HHAT: variants seen among roughly 807,000 people sequenced by gnomAD.
HHAT encodes the protein hedgehog acyltransferase.
Under a neutral mutation model 70.8 loss-of-function variants are expected in HHAT, and 47 were observed. The observed-to-expected ratio is 0.66, with a 90% CI of 0.53 to 0.85. The LOEUF is 0.85. Among genes scored for constraint, HHAT ranks in the 40% least tolerant of loss-of-function variants. The pLI is 0.00. For synonymous variants in HHAT, 228 were observed against 247.6 expected (o/e 0.92, Z 0.74); for missense variants, 609 against 604.8 (o/e 1.01, Z -0.07).
At chr1:210,363,068 T>C in intron 3 of HHAT, 149 bp downstream of exon 3, 1 of 686,922 alleles carries the variant, frequency 1.5e-6, no homozygotes, top group Non-Finnish European at 2.5e-6. Context: ...GAGTGTGCTG[T>C]GTTGGGGAAG....
intron 7 of HHAT, among the ~76,000 whole-genome samples, chr1:210,423,386 A>C (rs1421954214): frequency 6.6e-6 from 1 of 152,144 alleles, no homozygotes; most frequent in Non-Finnish European, 1.5e-5. Flanking sequence ...TGTTCAGATC[A>C]TTAGCCCATT....
At chr1:210,352,513 G>A (rs530022800) in intron 2 of HHAT, among the ~76,000 whole-genome samples, 2 of 152,178 alleles carry the variant, frequency 1.3e-5, no homozygotes, top group East Asian at 1.9e-4. Context: ...TGGAGCAAAC[G>A]TGCTGCCTAG....
chr1:210,351,713 G>T (rs572510203), intron 2 of HHAT, among the ~76,000 whole-genome samples: 4 of 152,268 alleles, frequency 2.6e-5, no homozygotes, highest in African/African-American at 7.2e-5. Flanking sequence ...GAGCTCAGCT[G>T]GGGACTGTCA....
At chr1:210,592,819 T>G (rs1304562912) in intron 10 of HHAT, among the ~76,000 whole-genome samples, 1 of 152,104 alleles carries the variant, frequency 6.6e-6, no homozygotes, top group African/African-American at 2.4e-5. Flanking sequence ...CTTGATTTCT[T>G]TCTCTTAGTC....
At chr1:210,407,586 G>T (rs1393243782) in intron 6 of HHAT, among the ~76,000 whole-genome samples, 1 of 152,218 alleles carries the variant, frequency 6.6e-6, no homozygotes, top group Non-Finnish European at 1.5e-5. Flanking sequence ...GCAATGTAAA[G>T]CATGTGAAAT....
At chr1:210,494,523 G>A (rs1050642032) in intron 8 of HHAT, among the ~76,000 whole-genome samples, 2 of 143,646 alleles carry the variant, frequency 1.4e-5, no homozygotes, top group Non-Finnish European at 3.0e-5. Context: ...GGGGAGATCA[G>A]GAGTTCAGTT....
intron 11 of HHAT, among the ~76,000 whole-genome samples, chr1:210,673,758 ATTTATTATTTATTTATTTATTTATTTAT>A (rs887800659): frequency 1.8e-5 from 1 of 55,280 alleles, no homozygotes; most frequent in African/African-American, 3.7e-5. Flanking sequence ...TGCCTGGCTT[ATTTATTATTTATTTATTTATTTATTTAT>A]TTATTTATTT....
intron 10 of HHAT, among the ~76,000 whole-genome samples, chr1:210,620,836 C>G (rs1668671637): frequency 6.6e-6 from 1 of 151,416 alleles, no homozygotes. Flanking sequence ...TTAGTTGCCC[C>G]CCCTCTCCTT....
intron 9 of HHAT, among the ~76,000 whole-genome samples, chr1:210,558,605 C>T (rs890672905): frequency 2.0e-5 from 3 of 152,170 alleles, no homozygotes; most frequent in African/African-American, 7.2e-5. Flanking sequence ...TTTTTTCTTG[C>T]TGCTTTCTGG....
intron 3 of HHAT, among the ~76,000 whole-genome samples, chr1:210,384,504 C>T (rs2090896881): frequency 1.3e-5 from 2 of 152,128 alleles, no homozygotes; most frequent in African/African-American, 4.8e-5. Flanking sequence ...TCCCAGGCCC[C>T]ACCCTTGATT....
intron 10 of HHAT, chr1:210,589,399 A>C (rs1002958006): frequency 1.3e-5 from 2 of 152,252 alleles, no homozygotes; most frequent in Non-Finnish European, 2.9e-5. Flanking sequence ...ATTCTAACAG[A>C]AAATGTTATT....
chr1:210,644,047 C>CT (rs1351181927), intron 11 of HHAT, among the ~76,000 whole-genome samples: 1 of 152,074 alleles, frequency 6.6e-6, no homozygotes, highest in Non-Finnish European at 1.5e-5. Flanking sequence ...TTCCAGTATA[C>CT]TTTGCAGAAG....
intron 9 of HHAT, among the ~76,000 whole-genome samples, chr1:210,514,807 C>T (rs528338116): frequency 3.8e-4 from 58 of 152,304 alleles, no homozygotes; most frequent in African/African-American, 1.2e-3. Context: ...TCTGGGAATG[C>T]TGTCACTTGC....
Position 210,404,511 on chromosome 1 carries a change from G to C in HHAT, c.516G>C (p.Thr172=), listed in dbSNP as rs111463628. 5.0e-6 allele frequency: 8 copies of C among 1,613,318 alleles called. No individual in the cohort carries two copies. The Middle Eastern group carries it at 5.5e-4, about 112-fold the overall frequency. ...TENEYYLLQF[T]LTVRCLYYTS... ...ACGAGTACTACCTGCTGCAGTTCACGCTGACCGTTCGCTGCCTGTACTACA... is the reference window on the plus strand; with the variant it reads ...ACGAGTACTACCTGCTGCAGTTCACCCTGACCGTTCGCTGCCTGTACTACA... The change falls in exon 6 of 12, where the codon ACG becomes ACC. Residue 172 remains threonine, a synonymous_variant. Transcript: ENST00000261458.
intron 2 of HHAT, among the ~76,000 whole-genome samples, chr1:210,350,425 T>C (rs1022209484): frequency 1.3e-5 from 2 of 152,210 alleles, no homozygotes; most frequent in African/African-American, 4.8e-5. Context: ...TATTTCTCCA[T>C]TTATTTAGTT....
Position 210,627,254 on chromosome 1 carries a change from C to CT in HHAT, c.1390+3585dup, listed in dbSNP as rs557580160. Among the ~76,000 whole-genome samples the CT allele has an allele frequency of 9.2e-5, 14 of 152,264 alleles. No homozygotes were observed. In the East Asian group the frequency reaches 2.7e-3, roughly 29 times the overall value. On this transcript the variant is annotated intron_variant, in intron 11 of 11. Coordinates refer to ENST00000261458, the MANE Select transcript of HHAT (RefSeq NM_018194.6). ...GAGGAGATTTGCACACACCTCACAG[C>CT]TAATGGGGTGTGGATACACATGTGT...
intron 7 of HHAT, among the ~76,000 whole-genome samples, chr1:210,419,949 G>C (rs2092844406): frequency 6.6e-6 from 1 of 152,142 alleles, no homozygotes; most frequent in East Asian, 1.9e-4. Flanking sequence ...TAAACAATAA[G>C]GAAGTTATTC....
At chr1:210,360,367 A>G (rs1452555147) in intron 2 of HHAT, among the ~76,000 whole-genome samples, 1 of 151,414 alleles carries the variant, frequency 6.6e-6, no homozygotes, top group Non-Finnish European at 1.5e-5. Flanking sequence ...CTGGAGTGCA[A>G]TGGTATGATC....
At position 210,614,778 on chromosome 1, in the gene HHAT, A is replaced by G. The variant is rs1338929732; in HGVS notation, c.1246-8748A>G. Among the ~76,000 whole-genome samples the G allele has an allele frequency of 1.3e-5, 2 of 152,174 alleles. 1 individual carries two copies. Among genetic ancestry groups the G allele is most frequent in the Non-Finnish European group, 2.9e-5 (2 of 68,044 alleles). On this transcript the variant is annotated intron_variant, in intron 10 of 11. Transcript: ENST00000261458. ...ATGGCTGCATAGTATTCCATGGTGT[A>G]TATGTGCCACATTTTCTTAATCCAG...
Sources: allele counts gnomAD v4.1 joint callset (sites outside exome capture counted in the v4.1 genomes callset), GRCh38; gene constraint gnomAD v4.1.1; transcripts MANE v1.5; gene names NCBI Gene and HGNC (gene_info 2026-07-23, HGNC 2026-07-21).